Variants in DSCAML1 observed in about 807,000 individuals in gnomAD.
DSCAML1 encodes the protein cell adhesion molecule DSCAML1.
A neutral mutation model predicts 200.5 loss-of-function variants in DSCAML1; 38 were observed. The ratio of observed to expected loss-of-function variants is 0.19; its 90% CI spans 0.15 to 0.25. The LOEUF is 0.25. Ranked by LOEUF, DSCAML1 falls within the 10% of genes least tolerant of loss-of-function variation. DSCAML1 has a pLI of 1.00. For missense variants in DSCAML1, 2,223 were observed against 2,858.8 expected (o/e 0.78, Z 5.07); for synonymous variants, 1,215 against 1,165.0 (o/e 1.04, Z -0.87).
chr11:117,599,803 G>A (rs1186412031), intron 3 of DSCAML1, among the ~76,000 whole-genome samples: 1 of 152,178 alleles, frequency 6.6e-6, no homozygotes, highest in Non-Finnish European at 1.5e-5. Flanking sequence ...CACATCAATA[G>A]CGACGCACGC....
intron 3 of DSCAML1, among the ~76,000 whole-genome samples, chr11:117,694,717 T>G (rs2053558986): frequency 6.6e-6 from 1 of 152,166 alleles, no homozygotes; most frequent in African/African-American, 2.4e-5. Context: ...CTAACTTAGA[T>G]GAGAACCCAG....
chr11:117,561,966 A>G (rs1020470844), intron 3 of DSCAML1, among the ~76,000 whole-genome samples: 10 of 152,222 alleles, frequency 6.6e-5, no homozygotes, highest in African/African-American at 1.7e-4. Context: ...CAGCAATTCT[A>G]TGAGCATAGA....
intron 3 of DSCAML1, among the ~76,000 whole-genome samples, chr11:117,731,047 G>C (rs2054208803): frequency 6.6e-6 from 1 of 152,198 alleles, no homozygotes; most frequent in Non-Finnish European, 1.5e-5. Context: ...TAAGGGTGAT[G>C]AGGATGTTGT....
In DSCAML1 at chr11:117,642,273, A is replaced by G. The variant is rs992890033; in HGVS notation, c.512-109751T>C. Among the ~76,000 whole-genome samples, 8 of 152,122 alleles carry G rather than the reference A, an allele frequency of 5.3e-5. No individual in the cohort carries two copies. Among genetic ancestry groups the G allele is most frequent in the African/African-American group, 1.9e-4 (8 of 41,420 alleles). ...CTGCAAGGAGTGCTTTCATCCCCACAGTGCCCCTCTGAGGCTCTGAACCAC... is the reference window on the plus strand; with the variant it reads ...CTGCAAGGAGTGCTTTCATCCCCACGGTGCCCCTCTGAGGCTCTGAACCAC... On this transcript the variant is annotated intron_variant, in intron 3 of 32. Coordinates refer to ENST00000651296, the MANE Select transcript of DSCAML1 (RefSeq NM_020693.4). This position sits in a 1 kb window ranked among gnomAD's most constrained non-coding sequence, Gnocchi z 4.1.
chr11:117,471,057 G>A (rs1309228907), intron 15 of DSCAML1, among the ~76,000 whole-genome samples: 3 of 152,198 alleles, frequency 2.0e-5, no homozygotes, highest in Non-Finnish European at 4.4e-5. Context: ...TGACCAGAAA[G>A]GGGTACATGG....
intron 3 of DSCAML1, among the ~76,000 whole-genome samples, chr11:117,618,023 C>T (rs2051848937): frequency 6.6e-6 from 1 of 152,218 alleles, no homozygotes; most frequent in Non-Finnish European, 1.5e-5. Context: ...CCCTCTCCCT[C>T]TCTCTCATCT....
chr11:117,593,103 C>T (rs951582589), intron 3 of DSCAML1, among the ~76,000 whole-genome samples: 7 of 152,258 alleles, frequency 4.6e-5, no homozygotes, highest in African/African-American at 1.4e-4. Flanking sequence ...CCCTGTTCCT[C>T]ACTACTGAAG....
chr11:117,712,010 G>A (rs548173419), intron 3 of DSCAML1, among the ~76,000 whole-genome samples: 12 of 152,210 alleles, frequency 7.9e-5, no homozygotes, highest in East Asian at 1.9e-4. Flanking sequence ...TGCTATATTC[G>A]TTTAGAAAAT....
chr11:117,768,063 A>G (rs2134029246), intron 3 of DSCAML1, among the ~76,000 whole-genome samples: 1 of 152,300 alleles, frequency 6.6e-6, no homozygotes, highest in African/African-American at 2.4e-5. Flanking sequence ...TTGAGGAGCC[A>G]GTGACATCAT....
intron 21 of DSCAML1, 90 bp downstream of exon 21, chr11:117,443,796 C>T: frequency 6.7e-7 from 1 of 1,485,082 alleles, no homozygotes; most frequent in Non-Finnish European, 9.0e-7. Context: ...TAAAGCGGAG[C>T]AGGCAGAGAC....
At chr11:117,597,812 A>C (rs555057740) in intron 3 of DSCAML1, among the ~76,000 whole-genome samples, 57 of 152,078 alleles carry the variant, frequency 3.7e-4, no homozygotes, top group African/African-American at 1.3e-3. Flanking sequence ...TTTGCCCCTT[A>C]ATTCTCCTTC....
intron 3 of DSCAML1, among the ~76,000 whole-genome samples, chr11:117,711,585 C>T (rs545503134): frequency 1.6e-4 from 24 of 152,340 alleles, no homozygotes; most frequent in Non-Finnish European, 2.8e-4. Flanking sequence ...TCTCCAATTC[C>T]TGACACAGAT....
chr11:117,790,568 A>T (rs1001845206), intron 1 of DSCAML1, among the ~76,000 whole-genome samples: 9 of 152,258 alleles, frequency 5.9e-5, no homozygotes, highest in African/African-American at 2.2e-4. Flanking sequence ...CTCACATTTC[A>T]GCAGAGCATT....
At chr11:117,462,091 T>C (rs552293906) in intron 17 of DSCAML1, among the ~76,000 whole-genome samples, 1 of 152,318 alleles carries the variant, frequency 6.6e-6, no homozygotes, top group East Asian at 1.9e-4. Flanking sequence ...GGGACTCCTG[T>C]GTCCTTGTTC....
At chr11:117,636,331 T>C (rs1301020411) in intron 3 of DSCAML1, among the ~76,000 whole-genome samples, 2 of 152,170 alleles carry the variant, frequency 1.3e-5, no homozygotes, top group African/African-American at 4.8e-5. Context: ...CATATTTTAA[T>C]TAAAAGGAAA....
In DSCAML1 at chr11:117,518,090, C is replaced by G. The variant is rs1361410726; in HGVS notation, c.1510+376G>C. 1.3e-5 allele frequency among the ~76,000 whole-genome samples: 2 copies of G among 152,192 alleles called. No homozygotes were observed. The highest frequency in any genetic ancestry group is 2.9e-5 in the Non-Finnish European group (2 of 68,038). On this transcript the variant is annotated intron_variant, in intron 7 of 32. Transcript: ENST00000651296. This position sits in a 1 kb window ranked among gnomAD's most constrained non-coding sequence, Gnocchi z 6.3. The stretch of plus-strand genomic sequence containing the variant: ...TCCCCAGCCCCTGCACTGTCTTGCC[C>G]TTACAAGGCCCTGGTGGGGCTGGCA...
At position 117,503,885 on chromosome 11, in the gene DSCAML1, T is replaced by C; in HGVS notation, c.2319A>G (p.Val773=). The part of the protein sequence containing the change: ...GYYLCQASNG[V]GTDISKSMFL... ...ACATGGACTTGCTGATGTCGGTGCC[T>C]ACGCCGTTGCTGGCCTGGCAGAGGT... The change falls in exon 11 of 33, where the codon GTA becomes GTG. Residue 773 remains valine, a synonymous_variant. Coordinates refer to ENST00000651296, the MANE Select transcript of DSCAML1 (RefSeq NM_020693.4). The surrounding 1 kb of genome is among the most constrained non-coding windows in gnomAD (Gnocchi z 5.2). 6.2e-7 allele frequency: 1 copy of C among 1,614,148 alleles called. No individual in the cohort carries two copies. The highest frequency in any genetic ancestry group is 8.5e-7 in the Non-Finnish European group (1 of 1,180,026).
intron 3 of DSCAML1, among the ~76,000 whole-genome samples, chr11:117,747,338 C>T (rs1055109733): frequency 1.3e-5 from 2 of 152,156 alleles, no homozygotes; most frequent in African/African-American, 2.4e-5. Context: ...ATTCAAGGTA[C>T]TATATTGATG....
At chr11:117,806,582 G>A (rs776638720) in intron 1 of DSCAML1, among the ~76,000 whole-genome samples, 9 of 152,216 alleles carry the variant, frequency 5.9e-5, no homozygotes, top group Admixed American at 1.3e-4. Flanking sequence ...TACTCCAGAT[G>A]CATAATCTCC....
Sources: allele counts gnomAD v4.1 joint callset (sites outside exome capture counted in the v4.1 genomes callset), GRCh38; gene constraint gnomAD v4.1.1; non-coding constraint Gnocchi (gnomAD v3.1); transcripts MANE v1.5; gene names NCBI Gene and HGNC (gene_info 2026-07-23, HGNC 2026-07-21).